Variants in MCUB observed in about 807,000 individuals in gnomAD.
MCUB encodes the protein mitochondrial calcium uniporter dominant negative subunit beta.
MCUB carries 46 observed loss-of-function variants against 41.4 expected under a neutral mutation model. That is an observed-to-expected ratio of 1.11 (90% CI 0.88 to 1.42). The LOEUF (loss-of-function observed/expected upper bound fraction) is 1.42. Ranked by LOEUF, MCUB falls within the 40% of genes most tolerant of loss-of-function variation. The pLI, the probability that MCUB is intolerant of heterozygous loss-of-function variation, is 0.00. For synonymous variants in MCUB, 148 were observed against 148.2 expected, an observed-to-expected ratio of 1.00 and a Z score of 0.01; for missense variants, 403 against 404.9, an observed-to-expected ratio of 1.00 and a Z score of 0.04.
At chr4:109,671,979 C>A (rs1729468334) in intron 4 of MCUB, among the ~76,000 whole-genome samples, 1 of 152,008 alleles carries the variant, frequency 6.6e-6, no homozygotes. Context: ...CCTATAAATT[C>A]TTTCTCAAAT....
rs117858735 is a variant in MCUB, at chr4:109,637,365, G to A, written c.100-21646G>A. On this transcript the variant is annotated intron_variant, in intron 1 of 7. Coordinates refer to ENST00000394650, the MANE Select transcript of MCUB (RefSeq NM_017918.5). The stretch of plus-strand genomic sequence containing the variant: ...TACTAGGTGTTCAGTAAAATTAGCT[G>A]AATTAATTGAGGACTAAATGACTTT... 8.2e-3 allele frequency among the ~76,000 whole-genome samples: 1,255 copies of A among 152,278 alleles called. 35 individuals carry two copies. Among genetic ancestry groups the A allele is most frequent in the South Asian group, 0.061 (294 of 4,818 alleles).
intron 3 of MCUB, among the ~76,000 whole-genome samples, chr4:109,661,649 G>A (rs1329584271): frequency 6.6e-6 from 1 of 152,164 alleles, no homozygotes; most frequent in Admixed American, 6.5e-5. Context: ...AAAGCAGAGT[G>A]TGGAAGATGT....
intron 1 of MCUB, among the ~76,000 whole-genome samples, chr4:109,652,088 C>T (rs1728973668): frequency 6.6e-6 from 1 of 152,166 alleles, no homozygotes; most frequent in African/African-American, 2.4e-5. Context: ...TCCCTGTGTC[C>T]TCACACCGTC....
At chr4:109,614,869 G>A (rs997166242) in intron 1 of MCUB, among the ~76,000 whole-genome samples, 5 of 151,964 alleles carry the variant, frequency 3.3e-5, no homozygotes, top group Admixed American at 3.3e-4. Flanking sequence ...TCACTCATAC[G>A]CATTCATAGT....
At chr4:109,618,236 C>T (rs1235192882) in intron 1 of MCUB, among the ~76,000 whole-genome samples, 1 of 152,222 alleles carries the variant, frequency 6.6e-6, no homozygotes, top group African/African-American at 2.4e-5. Flanking sequence ...CTCTATCTCC[C>T]TTCTGCTCCC....
intron 1 of MCUB, among the ~76,000 whole-genome samples, chr4:109,634,814 T>A (rs1057028679): frequency 9.8e-5 from 15 of 152,322 alleles, no homozygotes; most frequent in Admixed American, 4.6e-4. Context: ...CAGCTCTTTT[T>A]AAATTATTAT....
intron 1 of MCUB, among the ~76,000 whole-genome samples, chr4:109,603,288 G>C (rs914531002): frequency 1.3e-5 from 2 of 152,188 alleles, no homozygotes; most frequent in Non-Finnish European, 2.9e-5. Context: ...GTGGAGATGG[G>C]GTTTCGCTGT....
At chr4:109,597,709 C>T (rs570148341) in intron 1 of MCUB, among the ~76,000 whole-genome samples, 4,819 of 140,674 alleles carry the variant, frequency 0.034, 78 homozygotes, top group Middle Eastern at 0.064. Context: ...CCCTCCTGGA[C>T]GGGGCGGCTG....
At chr4:109,575,326 C>G (rs903835489) in intron 1 of MCUB, among the ~76,000 whole-genome samples, 1 of 152,146 alleles carries the variant, frequency 6.6e-6, no homozygotes, top group Admixed American at 6.6e-5. Flanking sequence ...TTTGTTTTAG[C>G]TTTTTATTGA....
chr4:109,643,477 G>A (rs936242156), intron 1 of MCUB, among the ~76,000 whole-genome samples: 1 of 146,780 alleles, frequency 6.8e-6, no homozygotes, highest in Non-Finnish European at 1.5e-5. Flanking sequence ...AAGCCACCAT[G>A]CCTGGCCTTA....
At chr4:109,607,062 T>G (rs1012008845) in intron 1 of MCUB, among the ~76,000 whole-genome samples, 15 of 152,106 alleles carry the variant, frequency 9.9e-5, no homozygotes, top group African/African-American at 3.6e-4. Context: ...TTATTATTTT[T>G]TATTGGTTCA....
chr4:109,574,570 C>T (rs1030053533), intron 1 of MCUB, among the ~76,000 whole-genome samples: 2 of 152,118 alleles, frequency 1.3e-5, no homozygotes, highest in African/African-American at 4.8e-5. Context: ...GTGTCCTCTA[C>T]TGAAAAAACT....
intron 1 of MCUB, among the ~76,000 whole-genome samples, chr4:109,613,669 A>G (rs558528588): frequency 2.6e-5 from 4 of 152,344 alleles, no homozygotes; most frequent in African/African-American, 9.6e-5. Context: ...ACCATTTAAT[A>G]GAAGTACATC....
At chr4:109,663,411 T>C (rs1729269721) in intron 3 of MCUB, among the ~76,000 whole-genome samples, 1 of 152,234 alleles carries the variant, frequency 6.6e-6, no homozygotes, top group Admixed American at 6.5e-5. Context: ...TGGTTAAAAT[T>C]TTTCAAGACT....
rs145690157 is a variant in MCUB at position 109,637,747 on chromosome 4, G to A, written c.100-21264G>A. Among the ~76,000 whole-genome samples, 37 of 152,278 alleles carry A rather than the reference G, an allele frequency of 2.4e-4. No individual in the cohort carries two copies. The East Asian group carries it at 6.4e-3, about 26-fold the overall frequency. On this transcript the variant is annotated intron_variant, in intron 1 of 7. Coordinates refer to ENST00000394650, the MANE Select transcript of MCUB (RefSeq NM_017918.5). ...TGATACAGTGTACTTTGGGGACTCGGGAAAATGGTGGGAGGGGGGTGAGGG... is the reference window on the plus strand; with the variant it reads ...TGATACAGTGTACTTTGGGGACTCGAGAAAATGGTGGGAGGGGGGTGAGGG...
intron 1 of MCUB, among the ~76,000 whole-genome samples, chr4:109,646,662 C>T (rs1728845104): frequency 6.6e-6 from 1 of 152,148 alleles, no homozygotes; most frequent in Admixed American, 6.5e-5. Context: ...GACAGCGCTC[C>T]TCATACCAGT....
chr4:109,597,405 G>A (rs867368954), intron 1 of MCUB, among the ~76,000 whole-genome samples: 18 of 119,936 alleles, frequency 1.5e-4, no homozygotes, highest in Non-Finnish European at 2.2e-4. Flanking sequence ...CTGGCCGGGC[G>A]GGGGGCTGAC....
chr4:109,677,256 C>T (rs1729594951), intron 4 of MCUB, among the ~76,000 whole-genome samples: 1 of 152,184 alleles, frequency 6.6e-6, no homozygotes, highest in Non-Finnish European at 1.5e-5. Context: ...ACCTATCCAG[C>T]CATTGTATTT....
intron 6 of MCUB, 88 bp from the exon 7 acceptor site, chr4:109,685,163 T>C: frequency 3.1e-6 from 2 of 648,360 alleles, no homozygotes; most frequent in Non-Finnish European, 5.5e-6. Context: ...TCTTTTGCTT[T>C]GGTGTTGCTG....
Sources: allele counts gnomAD v4.1 joint callset (sites outside exome capture counted in the v4.1 genomes callset), GRCh38; gene constraint gnomAD v4.1.1; transcripts MANE v1.5; gene names NCBI Gene and HGNC (gene_info 2026-07-23, HGNC 2026-07-21).